SYCP2: variants seen among roughly 807,000 people sequenced by gnomAD.
SYCP2 encodes the protein synaptonemal complex lateral element protein.
Under a neutral mutation model 211.3 loss-of-function variants are expected in SYCP2, and 55 were observed. The ratio of observed to expected loss-of-function variants is 0.26; its 90% CI spans 0.21 to 0.33. SYCP2 has a LOEUF of 0.33. Among genes scored for constraint, SYCP2 ranks in the 10% least tolerant of loss-of-function variants. The pLI is 1.00. For missense variants in SYCP2, 1,731 were observed against 1,752.0 expected (o/e 0.99, Z 0.21); for synonymous variants, 570 against 555.2 (o/e 1.03, Z -0.37).
rs765657034 is a variant in SYCP2, at chr20:59,881,488, T to C, written c.2663A>G (p.Gln888Arg). Reference sequence around the variant, plus strand: ...TTCTTTAGCTGTAGCTTGAAACTCTTGGATCTATATTGTAAATAAACAAAA... The same window carrying C: ...TTCTTTAGCTGTAGCTTGAAACTCTCGGATCTATATTGTAAATAAACAAAA... ...ADDPIIKLGI[Q>R]EFQATAKEAC... is the part of the protein sequence containing the mutation. Residue 888 changes from glutamine (Q) to arginine (R), a missense_variant, in exon 29 of 45, where the codon CAA (glutamine) becomes CGA (arginine). Coordinates refer to ENST00000357552, the MANE Select transcript of SYCP2 (RefSeq NM_014258.4). 3.3e-6 allele frequency: 5 copies of C among 1,499,094 alleles called. No homozygotes were observed. In the South Asian group the frequency reaches 6.4e-5, roughly 19 times the overall value. The allele number at this position is 1,499,094 out of a possible 1,614,324, so 92.9% of individuals were successfully genotyped here. A position where few individuals can be genotyped will look rare whatever the true frequency, so the allele number is the denominator to read the frequency against.
intron 24 of SYCP2, among the ~76,000 whole-genome samples, chr20:59,888,432 TAAC>T (rs577686841): frequency 6.6e-6 from 1 of 151,932 alleles, no homozygotes; most frequent in Non-Finnish European, 1.5e-5. Context: ...AAAAAACATC[TAAC>T]AAAATCCAAC....
chr20:59,917,132 AT>A (rs201290093), intron 7 of SYCP2, among the ~76,000 whole-genome samples: 2,697 of 147,402 alleles, frequency 0.018, 77 homozygotes, highest in East Asian at 0.085. Flanking sequence ...GGAGGTATTT[AT>A]TTTTTTTTTT....
chr20:59,888,555 G>A (rs1568934740), intron 24 of SYCP2, among the ~76,000 whole-genome samples: 6 of 152,034 alleles, frequency 3.9e-5, no homozygotes, highest in Admixed American at 2.6e-4. Context: ...ACTTAATGGT[G>A]AGAAACGAGA....
intron 2 of SYCP2, among the ~76,000 whole-genome samples, chr20:59,929,016 A>G (rs552563786): frequency 6.6e-6 from 1 of 152,230 alleles, no homozygotes; most frequent in Admixed American, 6.5e-5. Context: ...GGAATAAGAG[A>G]CTAAGGATTA....
intron 29 of SYCP2, among the ~76,000 whole-genome samples, 158 bp from the exon 30 acceptor site, chr20:59,881,181 A>G (rs2059672058): frequency 6.6e-6 from 1 of 151,806 alleles, no homozygotes; most frequent in African/African-American, 2.4e-5. Context: ...GACCTCAGTT[A>G]TAAAATAACT....
chr20:59,886,956 G>T, intron 24 of SYCP2, 122 bp from the exon 25 acceptor site: 1 of 703,278 alleles, frequency 1.4e-6, no homozygotes, highest in African/African-American at 1.9e-5. Flanking sequence ...GAAATAAAGA[G>T]AGTCAACTGT....
In SYCP2 at chr20:59,865,805, A is replaced by G; in HGVS notation, c.4379+2T>C. 1 of 1,407,432 alleles carries G rather than the reference A, an allele frequency of 7.1e-7. No individual in the cohort carries two copies. Among genetic ancestry groups the G allele is most frequent in the Non-Finnish European group, 9.5e-7 (1 of 1,054,432 alleles). The allele number at this position is 1,407,432 out of a possible 1,614,324, so 87.2% of individuals were successfully genotyped here. A position where few individuals can be genotyped will look rare whatever the true frequency, so the allele number is the denominator to read the frequency against. On this transcript the variant is annotated splice_donor_variant, in intron 42 of 44. Transcript: ENST00000357552. LOFTEE classifies it high-confidence loss of function. ...TATAGCCATTAAGAATGTCATACTA[A>G]CCTCTGTTGTTCGCTTTTTTGATAT... is the stretch of plus-strand genomic sequence containing the variant.
intron 29 of SYCP2, 65 bp downstream of exon 29, chr20:59,881,372 A>G: frequency 3.6e-6 from 3 of 842,238 alleles, no homozygotes; most frequent in Non-Finnish European, 1.9e-6. Context: ...AAACTCTAAG[A>G]CTGGGAGGAG....
At chr20:59,879,848 TATATATATATATATACACAC>T (rs1490633783) in intron 31 of SYCP2, among the ~76,000 whole-genome samples, 54 of 104,260 alleles carry the variant, frequency 5.2e-4, no homozygotes, top group African/African-American at 2.0e-3. Flanking sequence ...TATATATATA[TATATATATATATATACACAC>T]ACACACACAC....
At chr20:59,872,034 G>A (rs1480100280) in intron 35 of SYCP2, among the ~76,000 whole-genome samples, 1 of 151,952 alleles carries the variant, frequency 6.6e-6, no homozygotes, top group African/African-American at 2.4e-5. Flanking sequence ...ATGCCTTGGG[G>A]ATTATTTGGG....
intron 24 of SYCP2, among the ~76,000 whole-genome samples, chr20:59,890,885 ACTGAGGGAAGTAAATAGCAG>A (rs1432960203): frequency 6.6e-6 from 1 of 151,936 alleles, no homozygotes; most frequent in Non-Finnish European, 1.5e-5. Flanking sequence ...TTCCCCTGGG[ACTGAGGGAAGTAAATAGCAG>A]CTAAGATGAG....
chr20:59,866,446 A>AT lies in SYCP2; in HGVS notation c.4220+48_4220+49insA, dbSNP rs1484209340. 4.5e-6 allele frequency: 7 copies of AT among 1,555,156 alleles called. No homozygotes were observed. The African/African-American group carries it at 5.5e-5, about 12-fold the overall frequency. ...TTAAAAACTGTAGCATTCAGAATAT[A>AT]GGAATATGTAGCATTCAAAAGTTTT... On this transcript the variant is annotated intron_variant, in intron 40 of 44. Coordinates refer to ENST00000357552, the MANE Select transcript of SYCP2 (RefSeq NM_014258.4).
intron 12 of SYCP2, among the ~76,000 whole-genome samples, chr20:59,913,068 G>A (rs185371457): frequency 1.3e-5 from 2 of 152,260 alleles, no homozygotes; most frequent in Admixed American, 1.3e-4. Flanking sequence ...TATCAAATAT[G>A]AGCAGAGTTT....
chr20:59,907,529 G>T, intron 14 of SYCP2, 105 bp from the exon 15 acceptor site: 1 of 856,536 alleles, frequency 1.2e-6, no homozygotes, highest in Non-Finnish European at 1.9e-6. Context: ...CTTTTTGCTA[G>T]TCACTAAGTA....
Position 59,893,523 on chromosome 20 carries a change from C to T in SYCP2, c.1735+1G>A. The T allele has an allele frequency of 6.3e-7, 1 of 1,597,670 alleles. No homozygotes were observed. Among genetic ancestry groups the T allele is most frequent in the Non-Finnish European group, 8.6e-7 (1 of 1,167,708 alleles). ...ACTAAATTAAACCACAAGGTACTTA[C>T]TAAAATTTTGGTTTGGGAATTCAAC... On this transcript the variant is annotated splice_donor_variant, in intron 21 of 44. Coordinates refer to ENST00000357552, the MANE Select transcript of SYCP2 (RefSeq NM_014258.4). LOFTEE classifies it high-confidence loss of function.
In SYCP2 at chr20:59,875,368, T is replaced by G. The variant is rs1451587927; in HGVS notation, c.3252A>C (p.Lys1084Asn). Residue 1084 changes from lysine to asparagine, a missense_variant, in exon 34 of 45, where the codon AAA becomes AAC. Coordinates refer to ENST00000357552, the MANE Select transcript of SYCP2 (RefSeq NM_014258.4). The part of the protein sequence containing the change: ...ETEKELSKQW[K>N]NSSLLKDAIR... ...TAGCATCTTTTAGTAGAGATGAGTT[T>G]TTCCATTGTTTTGATAGTTCCTTTT... The G allele has an allele frequency of 1.2e-6, 2 of 1,612,734 alleles. No individual in the cohort carries two copies. The highest frequency in any genetic ancestry group is 1.7e-6 in the Non-Finnish European group (2 of 1,179,254).
chr20:59,889,825 A>G (rs2059869657), intron 24 of SYCP2, among the ~76,000 whole-genome samples: 1 of 152,080 alleles, frequency 6.6e-6, no homozygotes, highest in African/African-American at 2.4e-5. Context: ...GTAGAAAGAC[A>G]GTATCAGACA....
Position 59,886,693 on chromosome 20 carries a change from A to G in SYCP2, c.2492+14T>C. The G allele has an allele frequency of 6.6e-7, 1 of 1,526,694 alleles. No homozygotes were observed. Among genetic ancestry groups the G allele is most frequent in the South Asian group, 1.3e-5 (1 of 79,542 alleles). 94.6% of individuals were successfully genotyped at this position (1,526,694 alleles called of 1,614,324 possible). A position where few individuals can be genotyped will look rare whatever the true frequency, so the allele number is the denominator to read the frequency against. On this transcript the variant is annotated intron_variant, in intron 25 of 44. Transcript: ENST00000357552. ...TGTCAGAAAAATATTCATGTCTGAA[A>G]TTTAAGAACATACCTGTTAATCAAA...
At position 59,877,433 on chromosome 20, in the gene SYCP2, C is replaced by T. The variant is rs1274442579; in HGVS notation, c.3102G>A (p.Glu1034=). 2 of 1,600,874 alleles carry T rather than the reference C, an allele frequency of 1.2e-6. No individual in the cohort carries two copies. Among genetic ancestry groups the T allele is most frequent in the Admixed American group, 1.7e-5 (1 of 57,146 alleles). ...ATGAATGTGAAAATTCTTGTTCACA[C>T]TCTGATTCTGAATTTGAGAGATCTT... ...NYKDLSNSES[E]CEQEFSHSFK... Residue 1034 remains glutamate, a synonymous_variant, in exon 33 of 45, where the codon GAG becomes GAA. Transcript: ENST00000357552.
Sources: gnomAD v4.1 joint callset for allele counts (sites outside exome capture counted in the v4.1 genomes callset) on GRCh38, gnomAD v4.1.1 for gene constraint, MANE v1.5 for transcripts, NCBI Gene and HGNC (gene_info 2026-07-23, HGNC 2026-07-21) for gene names.